Variants in RALYL observed in about 807,000 individuals in gnomAD.
RALYL encodes RALY RNA binding protein like, also known as RNA-binding Raly-like protein.
Under a neutral mutation model 35.1 loss-of-function variants are expected in RALYL, and 29 were observed. The ratio of observed to expected loss-of-function variants is 0.83; its 90% CI spans 0.61 to 1.13. The LOEUF (loss-of-function observed/expected upper bound fraction) is 1.13, where lower values mean the gene tolerates loss of function less well. Ranked by LOEUF, RALYL falls within the 50% of genes most tolerant of loss-of-function variation. The pLI is 0.00. For missense variants in RALYL, 359 were observed against 360.4 expected, an observed-to-expected ratio of 1.00 and a Z score of 0.03; for synonymous variants, 120 against 127.6, an observed-to-expected ratio of 0.94 and a Z score of 0.40.
chr8:84,671,988 C>G (rs113563799), intron 2 of RALYL, among the ~76,000 whole-genome samples: 3 of 152,302 alleles, frequency 2.0e-5, no homozygotes, highest in African/African-American at 7.2e-5. Flanking sequence ...CTCTGCTTCC[C>G]TTTTAAACAT....
At chr8:84,319,863 T>C (rs1844466691) in intron 1 of RALYL, among the ~76,000 whole-genome samples, 1 of 126,502 alleles carries the variant, frequency 7.9e-6, no homozygotes, top group African/African-American at 2.6e-5. Context: ...ATAATTTTTT[T>C]TCAAAAAATA....
chr8:84,875,119 T>A (rs1349522967), intron 7 of RALYL, among the ~76,000 whole-genome samples: 2 of 151,830 alleles, frequency 1.3e-5, no homozygotes, highest in Non-Finnish European at 2.9e-5. Flanking sequence ...TTTTAGAAAG[T>A]TTTTAACATG....
rs989244860 is a variant in RALYL at position 84,270,291 on chromosome 8, G to A, written c.-24+85867G>A. 7.9e-5 allele frequency among the ~76,000 whole-genome samples: 12 copies of A among 152,320 alleles called. No individual in the cohort carries two copies. The South Asian group carries it at 1.2e-3, about 16-fold the overall frequency. ...GGAGCACAAATAATGGTCAAGGGAC[G>A]TGGTGATGGTGGAACGCATTATAAG... is the stretch of plus-strand genomic sequence containing the variant. On this transcript the variant is annotated intron_variant, in intron 1 of 8. Transcript: ENST00000521268.
At chr8:84,680,236 A>T (rs1262476095) in intron 2 of RALYL, among the ~76,000 whole-genome samples, 3 of 151,950 alleles carry the variant, frequency 2.0e-5, no homozygotes, top group Admixed American at 6.6e-5. Context: ...CATTTTCTTA[A>T]CCCAGTCTAT....
At chr8:84,634,756 C>T (rs1243344074) in intron 2 of RALYL, among the ~76,000 whole-genome samples, 1 of 151,476 alleles carries the variant, frequency 6.6e-6, no homozygotes, top group Admixed American at 6.6e-5. Flanking sequence ...ATAGTGTGTC[C>T]CAGAGAGAAA....
At chr8:84,855,703 C>T (rs1024242155) in intron 5 of RALYL, among the ~76,000 whole-genome samples, 16 of 152,088 alleles carry the variant, frequency 1.1e-4, no homozygotes, top group African/African-American at 2.4e-5. Flanking sequence ...ATTTAATCTC[C>T]CTAGGGAAAG....
chr8:84,891,553 C>G (rs1843847365), intron 8 of RALYL, among the ~76,000 whole-genome samples: 1 of 152,146 alleles, frequency 6.6e-6, no homozygotes. Context: ...GAGCACCTGC[C>G]TGGAGGTACT....
chr8:84,674,610 A>G (rs1173841319), intron 2 of RALYL, among the ~76,000 whole-genome samples: 1 of 152,188 alleles, frequency 6.6e-6, no homozygotes. Context: ...CTGGATGATT[A>G]CACAGTACTT....
rs1849306835 is a variant in RALYL at position 84,921,466 on chromosome 8, A to T, written c.*555A>T. On this transcript the variant is annotated 3_prime_UTR_variant, in exon 9 of 9. Transcript: ENST00000521268. Reference sequence around the variant, plus strand: ...ATAAGCACCCTTTTTATTAATAAAGAATGCAGATATTTCAGATGTGATATA... The same window carrying T: ...ATAAGCACCCTTTTTATTAATAAAGTATGCAGATATTTCAGATGTGATATA... 1 of 152,152 alleles carries T rather than the reference A, an allele frequency of 6.6e-6. No individual in the cohort carries two copies. The highest frequency in any genetic ancestry group is 3.2e-3 in the Middle Eastern group (1 of 316). The allele number at this position is 152,152 out of a possible 1,614,324, so 9.4% of individuals were successfully genotyped here.
chr8:84,456,018 ACTCAG>A (rs2050093405), intron 1 of RALYL, among the ~76,000 whole-genome samples: 1 of 151,802 alleles, frequency 6.6e-6, no homozygotes, highest in African/African-American at 2.4e-5. Context: ...TTAGAACTCA[ACTCAG>A]GCATACCCTC....
At chr8:84,483,870 C>T (rs1174167934) in intron 1 of RALYL, among the ~76,000 whole-genome samples, 1 of 152,040 alleles carries the variant, frequency 6.6e-6, no homozygotes, top group African/African-American at 2.4e-5. Flanking sequence ...TTGTTTTATT[C>T]ATTTGTTTTA....
chr8:84,448,698 T>C (rs1027844059), intron 1 of RALYL, among the ~76,000 whole-genome samples: 16 of 152,058 alleles, frequency 1.1e-4, no homozygotes, highest in Admixed American at 9.2e-4. Context: ...GGAGAACAAG[T>C]AGCTGTCTTT....
At chr8:84,404,122 A>T (rs982007510) in intron 1 of RALYL, among the ~76,000 whole-genome samples, 10 of 152,026 alleles carry the variant, frequency 6.6e-5, no homozygotes, top group African/African-American at 2.2e-4. Flanking sequence ...ATCTCCAAAC[A>T]GATAATTTGA....
intron 1 of RALYL, among the ~76,000 whole-genome samples, chr8:84,419,554 T>C (rs1161162616): frequency 6.6e-6 from 1 of 151,792 alleles, no homozygotes; most frequent in Non-Finnish European, 1.5e-5. Context: ...TTTTTTTTTT[T>C]TATTATTATA....
intron 1 of RALYL, among the ~76,000 whole-genome samples, chr8:84,270,190 C>T (rs1393728264): frequency 6.6e-6 from 1 of 152,126 alleles, no homozygotes; most frequent in African/African-American, 2.4e-5. Context: ...CCTGCACATA[C>T]CAGGACCACC....
intron 1 of RALYL, among the ~76,000 whole-genome samples, chr8:84,389,124 C>G (rs1859972822): frequency 1.3e-5 from 2 of 151,926 alleles, no homozygotes; most frequent in African/African-American, 2.4e-5. Flanking sequence ...GCTTGTTTTT[C>G]TCAGGTTTGT....
At chr8:84,758,207 G>A (rs1336251916) in intron 2 of RALYL, among the ~76,000 whole-genome samples, 3 of 152,106 alleles carry the variant, frequency 2.0e-5, no homozygotes, top group Non-Finnish European at 2.9e-5. Context: ...TAAAAATATT[G>A]GGTAATTTTC....
intron 2 of RALYL, among the ~76,000 whole-genome samples, chr8:84,635,707 A>G (rs1824916024): frequency 6.6e-6 from 1 of 151,820 alleles, no homozygotes; most frequent in Non-Finnish European, 1.5e-5. Context: ...ATATAATAAA[A>G]TGATACTGAA....
At chr8:84,601,197 T>C (rs1433764161) in intron 2 of RALYL, among the ~76,000 whole-genome samples, 1 of 152,124 alleles carries the variant, frequency 6.6e-6, no homozygotes, top group Non-Finnish European at 1.5e-5. Context: ...AAGTGTGTTA[T>C]GTATGACCTA....
Sources: allele counts gnomAD v4.1 joint callset (sites outside exome capture counted in the v4.1 genomes callset), GRCh38; gene constraint gnomAD v4.1.1; transcripts MANE v1.5; gene names NCBI Gene and HGNC (gene_info 2026-07-23, HGNC 2026-07-21).